CNTLN: variants seen among roughly 807,000 people sequenced by gnomAD.
CNTLN encodes centlein.
A neutral mutation model predicts 180.0 loss-of-function variants in CNTLN; 212 were observed. The observed-to-expected ratio is 1.18, with a 90% confidence interval of 1.05 to 1.32. CNTLN has a LOEUF of 1.32. Ranked by LOEUF, CNTLN falls within the 40% of genes most tolerant of loss-of-function variation. CNTLN has a pLI of 0.00. For synonymous variants in CNTLN, 722 were observed against 563.1 expected, an observed-to-expected ratio of 1.28 and a Z score of -3.99; for missense variants, 2,095 against 1,610.9, an observed-to-expected ratio of 1.30 and a Z score of -5.14.
intron 19 of CNTLN, among the ~76,000 whole-genome samples, chr9:17,461,938 C>G (rs1266907203): frequency 6.6e-6 from 1 of 151,634 alleles, no homozygotes; most frequent in Non-Finnish European, 1.5e-5. Flanking sequence ...CCTCTGGTTC[C>G]TAGGCTCTAC....
chr9:17,421,714 G>A (rs892031228), intron 18 of CNTLN, among the ~76,000 whole-genome samples: 1 of 152,000 alleles, frequency 6.6e-6, no homozygotes, highest in Non-Finnish European at 1.5e-5. Flanking sequence ...ATGCTTTAGT[G>A]TGTGTGTATA....
At chr9:17,190,001 C>G (rs1821694586) in intron 2 of CNTLN, among the ~76,000 whole-genome samples, 5 of 151,650 alleles carry the variant, frequency 3.3e-5, no homozygotes, top group Admixed American at 3.3e-4. Context: ...TTCCGGAACT[C>G]TCTCTCTCAA....
rs140351381 is a variant in CNTLN at position 17,384,698 on chromosome 9, A to G, written c.1988-3464A>G. Among the ~76,000 whole-genome samples, 337 of 152,374 alleles carry G rather than the reference A, an allele frequency of 2.2e-3. 1 individual carries two copies. The highest frequency in any genetic ancestry group is 7.7e-3 in the African/African-American group (320 of 41,588). On this transcript the variant is annotated intron_variant, in intron 13 of 25. Transcript: ENST00000380647. Reference sequence around the variant, plus strand: ...TTGCCTAAGACAACAATTTTAAATTAACACAAAAACCAAAAACTTTTTCAT... The same window carrying G: ...TTGCCTAAGACAACAATTTTAAATTGACACAAAAACCAAAAACTTTTTCAT...
chr9:17,266,639 G>T (rs181159749), intron 5 of CNTLN, among the ~76,000 whole-genome samples: 2 of 152,208 alleles, frequency 1.3e-5, no homozygotes, highest in Non-Finnish European at 2.9e-5. Context: ...ACGGTGGGAT[G>T]TTATAGTCTC....
At chr9:17,240,555 T>C (rs1050720859) in intron 5 of CNTLN, among the ~76,000 whole-genome samples, 10 of 152,224 alleles carry the variant, frequency 6.6e-5, no homozygotes, top group Non-Finnish European at 1.3e-4. Flanking sequence ...TTGTTTGTCT[T>C]TTGAGAAATG....
the CNTLN span, among the ~76,000 whole-genome samples, chr9:17,520,136 T>G: frequency 6.6e-6 from 1 of 152,236 alleles, no homozygotes; most frequent in East Asian, 1.9e-4. Flanking sequence ...TCTTTTCCAT[T>G]TGCTTCATTA....
At chr9:17,526,423 A>C in the CNTLN span, among the ~76,000 whole-genome samples, 1 of 152,230 alleles carries the variant, frequency 6.6e-6, no homozygotes, top group African/African-American at 2.4e-5. Context: ...ATAAAGTTTA[A>C]CTTCTTTTGA....
rs550863387 is a variant in CNTLN at position 17,316,735 on chromosome 9, C to G, written c.1341+7483C>G. On this transcript the variant is annotated intron_variant, in intron 8 of 25. Coordinates refer to ENST00000380647, the MANE Select transcript of CNTLN (RefSeq NM_017738.4). Reference sequence around the variant, plus strand: ...TGTTCCTCTTTTCCTCTATTACTGCCTTTTTTTGTAATATTTTCTAGTGTG... The same window carrying G: ...TGTTCCTCTTTTCCTCTATTACTGCGTTTTTTTGTAATATTTTCTAGTGTG... Among the ~76,000 whole-genome samples, 8 of 152,030 alleles carry G rather than the reference C, an allele frequency of 5.3e-5. No homozygotes were observed. The South Asian group carries it at 1.7e-3, about 32-fold the overall frequency.
At chr9:17,300,900 C>G (rs1345247662) in intron 7 of CNTLN, 1 of 847,244 alleles carries the variant, frequency 1.2e-6, no homozygotes, top group Non-Finnish European at 1.4e-6. Context: ...CTTTCCTGCC[C>G]AGTTATCTGC....
chr9:17,349,905 G>A (rs1452833158), intron 12 of CNTLN, among the ~76,000 whole-genome samples: 1 of 152,160 alleles, frequency 6.6e-6, no homozygotes, highest in Non-Finnish European at 1.5e-5. Context: ...GCTCTAGGAA[G>A]GCTTAATTTA....
chr9:17,407,802 T>G (rs1827508425), intron 15 of CNTLN, among the ~76,000 whole-genome samples: 1 of 152,060 alleles, frequency 6.6e-6, no homozygotes, highest in African/African-American at 2.4e-5. Flanking sequence ...GACATGATGC[T>G]CCATCATGAT....
intron 16 of CNTLN, among the ~76,000 whole-genome samples, 169 bp downstream of exon 16, chr9:17,409,642 T>G (rs1827686136): frequency 6.6e-6 from 1 of 152,134 alleles, no homozygotes; most frequent in South Asian, 2.1e-4. Context: ...AAGTACTTGT[T>G]TGTTACAGTC....
Position 17,196,921 on chromosome 9 carries a change from G to A in CNTLN, c.450-29282G>A, listed in dbSNP as rs139972325. ...CAATAAATTATTGTTTAGTCACCCT[G>A]TTGTGTTATCAAATGTTAGATCTTA... is the stretch of plus-strand genomic sequence containing the variant. On this transcript the variant is annotated intron_variant, in intron 2 of 25. Transcript: ENST00000380647. Among the ~76,000 whole-genome samples, 662 of 152,190 alleles carry A rather than the reference G, an allele frequency of 4.3e-3. 1 individual carries two copies. Among genetic ancestry groups the A allele is most frequent in the Middle Eastern group, 0.014 (4 of 294 alleles).
At chr9:17,164,571 C>T (rs1232134918) in intron 2 of CNTLN, among the ~76,000 whole-genome samples, 3 of 148,734 alleles carry the variant, frequency 2.0e-5, no homozygotes, top group South Asian at 2.1e-4. Context: ...TTCGGCCTCC[C>T]GAGTAGCTGG....
chr9:17,342,447 G>A lies in CNTLN; in HGVS notation c.1886+3G>A, dbSNP rs770329243. 9 of 1,594,460 alleles carry A rather than the reference G, an allele frequency of 5.6e-6. No individual in the cohort carries two copies. The South Asian group carries it at 9.4e-5, about 17-fold the overall frequency. ...AACCAGGAGCTAATGATTCAAAAGT[G>A]AGTTTCATTTTTAACAATATGGACT... On this transcript the variant is annotated splice_donor_region_variant and intron_variant, in intron 12 of 25. Coordinates refer to ENST00000380647, the MANE Select transcript of CNTLN (RefSeq NM_017738.4).
At chr9:17,497,517 C>T (rs948892780) in intron 25 of CNTLN, among the ~76,000 whole-genome samples, 2 of 152,056 alleles carry the variant, frequency 1.3e-5, no homozygotes, top group Non-Finnish European at 2.9e-5. Context: ...TAGAATAGAT[C>T]ACCCATTTGC....
chr9:17,447,143 A>T (rs1830487521), intron 18 of CNTLN: 1 of 217,718 alleles, frequency 4.6e-6, no homozygotes, highest in African/African-American at 2.3e-5. Flanking sequence ...CTGCGGTGTC[A>T]GCTACAGGAA....
At chr9:17,520,365 A>G in the CNTLN span, among the ~76,000 whole-genome samples, 1 of 152,212 alleles carries the variant, frequency 6.6e-6, no homozygotes, top group Non-Finnish European at 1.5e-5. Flanking sequence ...GGGGCTGAAC[A>G]GCAGGTAGAG....
intron 13 of CNTLN, among the ~76,000 whole-genome samples, chr9:17,378,258 C>T (rs1295267085): frequency 1.3e-5 from 2 of 152,176 alleles, no homozygotes; most frequent in African/African-American, 4.8e-5. Context: ...TGGCTCATTG[C>T]AACCTCCGAT....
Sources: allele counts gnomAD v4.1 joint callset (sites outside exome capture counted in the v4.1 genomes callset), GRCh38; gene constraint gnomAD v4.1.1; transcripts MANE v1.5; gene names NCBI Gene and HGNC (gene_info 2026-07-23, HGNC 2026-07-21).